SAMD4A: variants seen among roughly 807,000 people sequenced by gnomAD.
SAMD4A encodes protein Smaug homolog 1.
In SAMD4A, 33 loss-of-function variants were observed where a neutral mutation model predicts 81.3. The ratio of observed to expected loss-of-function variants is 0.41; its 90% CI spans 0.31 to 0.54. The LOEUF is 0.54. SAMD4A is among the 20% of genes least tolerant of loss of function. The pLI is 0.37. For synonymous variants in SAMD4A, 389 were observed against 382.1 expected, an observed-to-expected ratio of 1.02 and a Z score of -0.21; for missense variants, 854 against 951.1, an observed-to-expected ratio of 0.90 and a Z score of 1.34.
At chr14:54,730,091 G>T (rs2037523500) in intron 3 of SAMD4A, among the ~76,000 whole-genome samples, 1 of 152,174 alleles carries the variant, frequency 6.6e-6, no homozygotes. Context: ...TTTCTTAAAA[G>T]CTCAAATGTT....
At chr14:54,664,914 C>T (rs1368805209) in intron 2 of SAMD4A, among the ~76,000 whole-genome samples, 1 of 151,690 alleles carries the variant, frequency 6.6e-6, no homozygotes, top group Non-Finnish European at 1.5e-5. Context: ...TTCAGGAAAA[C>T]ACTTATTTCT....
chr14:54,686,299 G>A (rs1318269610), intron 2 of SAMD4A, among the ~76,000 whole-genome samples: 3 of 152,138 alleles, frequency 2.0e-5, no homozygotes, highest in African/African-American at 7.2e-5. Context: ...CTACAGTTGG[G>A]GGTTTTCTTA....
chr14:54,752,462 C>T (rs1398966873), intron 6 of SAMD4A, among the ~76,000 whole-genome samples: 2 of 152,164 alleles, frequency 1.3e-5, no homozygotes. Context: ...TTCTAGTAAT[C>T]CCAGGGAGCT....
chr14:54,620,354 A>C (rs1215239795), intron 2 of SAMD4A, among the ~76,000 whole-genome samples: 1 of 118,050 alleles, frequency 8.5e-6, no homozygotes, highest in African/African-American at 2.8e-5. Flanking sequence ...ACCATGTTGG[A>C]GCATCATCAT....
At position 54,791,147 on chromosome 14, in the gene SAMD4A, G is replaced by T. The variant is rs941165020; in HGVS notation, c.*2203G>T. The T allele has an allele frequency of 2.6e-5, 4 of 152,238 alleles. No individual in the cohort carries two copies. The highest frequency in any genetic ancestry group is 7.2e-5 in the African/African-American group (3 of 41,458). 9.4% of individuals were successfully genotyped at this position (152,238 alleles called of 1,614,324 possible). A position where few individuals can be genotyped will look rare whatever the true frequency, so the allele number is the denominator to read the frequency against. On this transcript the variant is annotated 3_prime_UTR_variant, in exon 13 of 13. Coordinates refer to ENST00000554335, the MANE Select transcript of SAMD4A (RefSeq NM_015589.6). ...ACAAGCTTAGTGTTACTTGGGGAAT[G>T]TGTTGGGATGGACGATCACATGTAA...
At chr14:54,663,556 C>T (rs1273484580) in intron 2 of SAMD4A, among the ~76,000 whole-genome samples, 4 of 151,966 alleles carry the variant, frequency 2.6e-5, no homozygotes, top group Non-Finnish European at 4.4e-5. Context: ...TTTTTCTGTC[C>T]TATTTGTAGC....
upstream of SAMD4A, among the ~76,000 whole-genome samples, chr14:54,566,593 C>G (rs969507895): frequency 1.3e-5 from 2 of 151,714 alleles, no homozygotes; most frequent in Non-Finnish European, 2.9e-5. Flanking sequence ...GCGGGGCCGC[C>G]CCGCTGGCCG....
chr14:54,684,383 A>G (rs1437140777), intron 2 of SAMD4A, among the ~76,000 whole-genome samples: 1 of 152,236 alleles, frequency 6.6e-6, no homozygotes, highest in Non-Finnish European at 1.5e-5. Context: ...AAAATGCAAA[A>G]GGGAACTTTC....
At chr14:54,765,360 C>T (rs58400628) in intron 8 of SAMD4A, among the ~76,000 whole-genome samples, 3,624 of 151,836 alleles carry the variant, frequency 0.024, 128 homozygotes, top group African/African-American at 0.083. Context: ...TGGTGGGTCA[C>T]ACCTGTAATC....
rs1461738901 is a variant in SAMD4A, at chr14:54,577,487, T to C, written c.196+9375T>C. ...TATTTGAATGTAACCAGATGACATA[T>C]AAAGCATTAAAGTGTAGCCCCTACA... is the stretch of plus-strand genomic sequence containing the variant. On this transcript the variant is annotated intron_variant, in intron 2 of 12. Transcript: ENST00000554335. 2.0e-5 allele frequency among the ~76,000 whole-genome samples: 3 copies of C among 152,232 alleles called. No homozygotes were observed. The South Asian group carries it at 6.2e-4, about 32-fold the overall frequency.
chr14:54,735,742 C>T (rs950660070), intron 3 of SAMD4A, among the ~76,000 whole-genome samples: 1 of 152,196 alleles, frequency 6.6e-6, no homozygotes, highest in Non-Finnish European at 1.5e-5. Flanking sequence ...GTAGGGAACA[C>T]AGTAATCTGC....
intron 6 of SAMD4A, among the ~76,000 whole-genome samples, chr14:54,757,899 G>A (rs1315213863): frequency 6.6e-6 from 1 of 152,110 alleles, no homozygotes; most frequent in Non-Finnish European, 1.5e-5. Context: ...TCCTGGCATG[G>A]GTCAGCTAGC....
chr14:54,607,509 G>A (rs2140249974), intron 2 of SAMD4A, among the ~76,000 whole-genome samples: 1 of 150,846 alleles, frequency 6.6e-6, no homozygotes, highest in East Asian at 2.0e-4. Flanking sequence ...AGGCTGGAGT[G>A]CAGTGGCACG....
chr14:54,769,702 A>G lies in SAMD4A; in HGVS notation c.1597-402A>G, dbSNP rs2038649923. ...CACCATCAAGCAGATTGATTTTTGG[A>G]GTGGTTGAGAATTTTCATTGATTAT... On this transcript the variant is annotated intron_variant, in intron 8 of 12. Coordinates refer to ENST00000554335, the MANE Select transcript of SAMD4A (RefSeq NM_015589.6). Among the ~76,000 whole-genome samples, 3 of 152,102 alleles carry G rather than the reference A, an allele frequency of 2.0e-5. No homozygotes were observed. The South Asian group carries it at 6.2e-4, about 32-fold the overall frequency.
chr14:54,687,236 A>G (rs2036295911), intron 2 of SAMD4A: 1 of 397,294 alleles, frequency 2.5e-6, no homozygotes, highest in Admixed American at 3.3e-5. Flanking sequence ...CTTGCAAAAT[A>G]AGAAAGAGAA....
At chr14:54,636,140 T>A (rs577840193) in intron 2 of SAMD4A, among the ~76,000 whole-genome samples, 1 of 152,268 alleles carries the variant, frequency 6.6e-6, no homozygotes, top group Non-Finnish European at 1.5e-5. Flanking sequence ...TTATATAGTG[T>A]GGTGTGAGCC....
At chr14:54,629,414 G>A (rs1324912005) in intron 2 of SAMD4A, among the ~76,000 whole-genome samples, 4 of 152,160 alleles carry the variant, frequency 2.6e-5, no homozygotes, top group Non-Finnish European at 4.4e-5. Context: ...ATACAAATAT[G>A]TTTTTATTGT....
chr14:54,691,914 G>T (rs2036453100), intron 2 of SAMD4A, among the ~76,000 whole-genome samples: 2 of 152,294 alleles, frequency 1.3e-5, no homozygotes, highest in Admixed American at 6.5e-5. Flanking sequence ...TGTTCATTCT[G>T]TCCCCCATTG....
intron 5 of SAMD4A, among the ~76,000 whole-genome samples, chr14:54,749,989 C>A (rs1319389315): frequency 6.6e-6 from 1 of 152,204 alleles, no homozygotes; most frequent in Non-Finnish European, 1.5e-5. Flanking sequence ...AAAGTCACTG[C>A]ACATTCTCAG....
Sources: allele counts gnomAD v4.1 joint callset (sites outside exome capture counted in the v4.1 genomes callset), GRCh38; gene constraint gnomAD v4.1.1; transcripts MANE v1.5; gene names NCBI Gene and HGNC (gene_info 2026-07-23, HGNC 2026-07-21).